SPATA17: variants seen among roughly 807,000 people sequenced by gnomAD.
SPATA17 encodes spermatogenesis-associated protein 17.
Under a neutral mutation model 62.2 loss-of-function variants are expected in SPATA17, and 53 were observed. The ratio of observed to expected loss-of-function variants is 0.85; its 90% confidence interval spans 0.68 to 1.07. The LOEUF is 1.07. Ranked by LOEUF, SPATA17 falls within the 50% of genes least tolerant of loss-of-function variation. The pLI is 0.00. For missense variants in SPATA17, 466 were observed against 425.5 expected (o/e 1.10, Z -0.84); for synonymous variants, 146 against 146.8 (o/e 0.99, Z 0.04).
chr1:217,749,971 C>CTATATATATA (rs1221231899), intron 6 of SPATA17, among the ~76,000 whole-genome samples: 3 of 45,826 alleles, frequency 6.5e-5, no homozygotes, highest in Non-Finnish European at 9.9e-5. Context: ...CTCTCTCTCT[C>CTATATATATA]TCTCTCTCTC....
intron 5 of SPATA17, among the ~76,000 whole-genome samples, chr1:217,700,263 T>C (rs1208371173): frequency 6.6e-6 from 1 of 152,196 alleles, no homozygotes; most frequent in African/African-American, 2.4e-5. Flanking sequence ...AATTGATTCA[T>C]TTTCTTTTAA....
chr1:217,714,777 G>A (rs539874035), intron 5 of SPATA17, among the ~76,000 whole-genome samples: 6 of 151,962 alleles, frequency 3.9e-5, no homozygotes, highest in South Asian at 2.1e-4. Context: ...GAGCCACCGC[G>A]CCCAGCCGGA....
At chr1:217,810,780 T>C (rs1674566229) in intron 9 of SPATA17, among the ~76,000 whole-genome samples, 1 of 152,084 alleles carries the variant, frequency 6.6e-6, no homozygotes, top group South Asian at 2.1e-4. Context: ...ATGTCTTACA[T>C]GGCAGCAGGT....
intron 6 of SPATA17, 134 bp downstream of exon 6, chr1:217,742,232 T>G: frequency 8.2e-7 from 1 of 1,225,714 alleles, no homozygotes; most frequent in Non-Finnish European, 1.1e-6. Flanking sequence ...TTCAATTTCG[T>G]GCTTCTGTGT....
intron 9 of SPATA17, among the ~76,000 whole-genome samples, chr1:217,837,265 T>C (rs1028781591): frequency 6.6e-6 from 1 of 152,116 alleles, no homozygotes; most frequent in Admixed American, 6.6e-5. Flanking sequence ...GCTAGATAAT[T>C]AACTGTGGTC....
intron 6 of SPATA17, among the ~76,000 whole-genome samples, chr1:217,748,616 G>A (rs979478879): frequency 2.6e-5 from 4 of 151,248 alleles, no homozygotes; most frequent in Non-Finnish European, 5.9e-5. Flanking sequence ...GTGGTGGCGG[G>A]CGCCTGTAAT....
chr1:217,795,718 TC>T (rs1482298564), intron 8 of SPATA17, among the ~76,000 whole-genome samples: 1 of 152,030 alleles, frequency 6.6e-6, no homozygotes, highest in Non-Finnish European at 1.5e-5. Context: ...TGGCCATGAG[TC>T]CCCTCATCTC....
chr1:217,804,574 A>G (rs1674390108), intron 9 of SPATA17, among the ~76,000 whole-genome samples: 1 of 152,236 alleles, frequency 6.6e-6, no homozygotes, highest in Non-Finnish European at 1.5e-5. Context: ...TTGCACAGCA[A>G]AGGAAATGAT....
chr1:217,761,493 C>A (rs1049718163), intron 6 of SPATA17, among the ~76,000 whole-genome samples: 1 of 152,044 alleles, frequency 6.6e-6, no homozygotes, highest in Non-Finnish European at 1.5e-5. Flanking sequence ...TATCTCTCTC[C>A]ACATCAACAT....
At chr1:217,639,351 G>A (rs936829132) in intron 1 of SPATA17, among the ~76,000 whole-genome samples, 1 of 152,060 alleles carries the variant, frequency 6.6e-6, no homozygotes, top group African/African-American at 2.4e-5. Flanking sequence ...TGGGGATTGG[G>A]ATGAAAGAAA....
chr1:217,729,284 G>T (rs556026781), intron 5 of SPATA17, among the ~76,000 whole-genome samples: 1 of 152,096 alleles, frequency 6.6e-6, no homozygotes. Flanking sequence ...CAGCAGGGAG[G>T]CCACTTTTTC....
At chr1:217,642,423 GA>G (rs1356915670) in intron 1 of SPATA17, among the ~76,000 whole-genome samples, 9 of 152,248 alleles carry the variant, frequency 5.9e-5, no homozygotes, top group Admixed American at 2.0e-4. Context: ...TGGCTAGTGA[GA>G]GCCACTTCAG....
chr1:217,814,952 A>G (rs541377964), intron 9 of SPATA17, among the ~76,000 whole-genome samples: 15 of 152,280 alleles, frequency 9.9e-5, no homozygotes, highest in Admixed American at 4.6e-4. Context: ...TCTTCATCTG[A>G]CAAAGATCAT....
At chr1:217,708,869 A>G (rs1438764955) in intron 5 of SPATA17, among the ~76,000 whole-genome samples, 4 of 152,152 alleles carry the variant, frequency 2.6e-5, no homozygotes, top group Non-Finnish European at 5.9e-5. Context: ...GATGCAAGGT[A>G]GGTTCAACAT....
chr1:217,770,623 G>T (rs1673414846), intron 6 of SPATA17, among the ~76,000 whole-genome samples: 1 of 152,146 alleles, frequency 6.6e-6, no homozygotes, highest in African/African-American at 2.4e-5. Flanking sequence ...GTCAGTGTAT[G>T]AGTGGAAAAT....
intron 6 of SPATA17, among the ~76,000 whole-genome samples, chr1:217,752,428 C>CT (rs1672938665): frequency 6.6e-6 from 1 of 152,120 alleles, no homozygotes. Flanking sequence ...TAGCATAGTG[C>CT]TTTAATTAAC....
At chr1:217,662,349 A>G (rs574645005) in intron 3 of SPATA17, among the ~76,000 whole-genome samples, 2 of 152,280 alleles carry the variant, frequency 1.3e-5, no homozygotes, top group African/African-American at 4.8e-5. Flanking sequence ...GAGATCATCT[A>G]GTGAATAACA....
At chr1:217,754,797 T>C (rs1673001952) in intron 6 of SPATA17, among the ~76,000 whole-genome samples, 1 of 152,156 alleles carries the variant, frequency 6.6e-6, no homozygotes, top group South Asian at 2.1e-4. Context: ...TCTTTCTCTT[T>C]ATTACCCTCC....
chr1:217,674,135 C>G (rs1262395245), intron 4 of SPATA17, among the ~76,000 whole-genome samples: 1 of 152,102 alleles, frequency 6.6e-6, no homozygotes, highest in Non-Finnish European at 1.5e-5. Context: ...GAAACTTATT[C>G]CCTGAGAATA....
Sources: allele counts gnomAD v4.1 joint callset (sites outside exome capture counted in the v4.1 genomes callset), GRCh38; gene constraint gnomAD v4.1.1; transcripts MANE v1.5; gene names NCBI Gene and HGNC (gene_info 2026-07-23, HGNC 2026-07-21).